LRP3: variants seen among roughly 807,000 people sequenced by gnomAD.
LRP3 encodes the protein low-density lipoprotein receptor-related protein 3.
In LRP3, 49 loss-of-function variants were observed where a neutral mutation model predicts 58.5. That is an observed-to-expected ratio of 0.84 (90% confidence interval 0.67 to 1.06). The LOEUF is 1.06. LRP3 is among the 50% of genes least tolerant of loss of function. LRP3 has a pLI of 0.00. For synonymous variants in LRP3, 485 were observed against 492.2 expected, an observed-to-expected ratio of 0.99 and a Z score of 0.20; for missense variants, 1,019 against 1,134.2, an observed-to-expected ratio of 0.90 and a Z score of 1.46.
chr19:33,196,074 T>A (rs1218908312), intron 1 of LRP3, among the ~76,000 whole-genome samples: 1 of 151,308 alleles, frequency 6.6e-6, no homozygotes, highest in Non-Finnish European at 1.5e-5. Context: ...CCCACGGAGG[T>A]GGGTGCTTGA....
Position 33,204,428 on chromosome 19 carries a change from T to G in LRP3, c.261-210T>G. ...GGATGTCGCAATTCTTCATGGAGCCTCCCGTGCACACCTGGATGGGGACAG... is the reference window on the plus strand; with the variant it reads ...GGATGTCGCAATTCTTCATGGAGCCGCCCGTGCACACCTGGATGGGGACAG... On this transcript the variant is annotated intron_variant, in intron 3 of 6. Coordinates refer to ENST00000253193, the MANE Select transcript of LRP3 (RefSeq NM_002333.4). 5.0e-6 allele frequency: 3 copies of G among 594,422 alleles called. No individual in the cohort carries two copies. The South Asian group carries it at 6.2e-5, about 12-fold the overall frequency. The allele number at this position is 594,422 out of a possible 1,614,324, so 36.8% of individuals were successfully genotyped here. A position where few individuals can be genotyped will look rare whatever the true frequency, so the allele number is the denominator to read the frequency against.
At chr19:33,195,362 C>T (rs183120068) in intron 1 of LRP3, among the ~76,000 whole-genome samples, 230 of 152,266 alleles carry the variant, frequency 1.5e-3, no homozygotes, top group African/African-American at 5.3e-3. Flanking sequence ...TGTCTCTCAG[C>T]CCCCAGGCAG....
chr19:33,205,182 C>T (rs1460797313), intron 4 of LRP3, 64 bp from the exon 5 acceptor site: 4 of 1,535,868 alleles, frequency 2.6e-6, no homozygotes, highest in Admixed American at 1.9e-5. Flanking sequence ...TGGCCCCAGG[C>T]CCCCTGGCCG....
At chr19:33,199,474 G>GAA (rs34874673) in intron 2 of LRP3, among the ~76,000 whole-genome samples, 3 of 129,866 alleles carry the variant, frequency 2.3e-5, no homozygotes, top group Non-Finnish European at 4.8e-5. Context: ...TCTTGTCTCA[G>GAA]AAAAAAAAAA....
Position 33,207,427 on chromosome 19 carries a change from C to T in LRP3, c.2165C>T (p.Ser722Leu), listed in dbSNP as rs1444211540. Residue 722 changes from serine to leucine, a missense_variant, in exon 7 of 7, where the codon TCA (serine) becomes TTA (leucine). Coordinates refer to ENST00000253193, the MANE Select transcript of LRP3 (RefSeq NM_002333.4). ...GCAGATGCACCTCGGGAGCCCTGCT[C>T]AGCCCAGGACCCGCACCCCCAGGTC... ...APADAPREPCSAQDPHPQVST... is the reference protein window; with the variant it reads ...APADAPREPCLAQDPHPQVST... 1.3e-6 allele frequency: 2 copies of T among 1,594,296 alleles called. No individual in the cohort carries two copies. The highest frequency in any genetic ancestry group is 1.7e-4 in the Middle Eastern group (1 of 6,024).
At position 33,207,607 on chromosome 19, in the gene LRP3, C is replaced by T. The variant is rs201423999; in HGVS notation, c.*32C>T. The T allele has an allele frequency of 2.1e-4, 313 of 1,461,698 alleles. No homozygotes were observed. Among genetic ancestry groups the T allele is most frequent in the Non-Finnish European group, 2.8e-4 (291 of 1,056,932 alleles). 90.5% of individuals were successfully genotyped at this position (1,461,698 alleles called of 1,614,324 possible). ...GGCTCGCTGGTGACCGCCACAGCCC[C>T]GCTTTGTAACCAGGGAATACACAGT... On this transcript the variant is annotated 3_prime_UTR_variant, in exon 7 of 7. Coordinates refer to ENST00000253193, the MANE Select transcript of LRP3 (RefSeq NM_002333.4).
At position 33,207,030 on chromosome 19, in the gene LRP3, A is replaced by G; in HGVS notation, c.1768A>G (p.Met590Val). The G allele has an allele frequency of 6.7e-7, 1 of 1,486,834 alleles. No homozygotes were observed. The allele number at this position is 1,486,834 out of a possible 1,614,324, so 92.1% of individuals were successfully genotyped here. A position where few individuals can be genotyped will look rare whatever the true frequency, so the allele number is the denominator to read the frequency against. ...TCTTCGCACAGCCATGCGGAGACAG[A>G]TGCGTCGGCACGCCTCCCGCCGGGG... ...QNLRTAMRRQMRRHASRRGPS... is the reference protein window; with the variant it reads ...QNLRTAMRRQVRRHASRRGPS... The change falls in exon 7 of 7, where the codon ATG becomes GTG. Residue 590 changes from methionine to valine, a missense_variant. Coordinates refer to ENST00000253193, the MANE Select transcript of LRP3 (RefSeq NM_002333.4).
intron 6 of LRP3, 26 bp from the exon 7 acceptor site, chr19:33,206,962 C>G (rs531626771): frequency 4.2e-6 from 6 of 1,433,158 alleles, no homozygotes; most frequent in African/African-American, 1.5e-5. Flanking sequence ...CGCATCCCCC[C>G]GCCCCTACCC....
At position 33,207,567 on chromosome 19, in the gene LRP3, G is replaced by T; in HGVS notation, c.2305G>T (p.Val769Phe). 6.2e-7 allele frequency: 1 copy of T among 1,602,774 alleles called. No individual in the cohort carries two copies. Among genetic ancestry groups the T allele is most frequent in the Non-Finnish European group, 8.5e-7 (1 of 1,178,936 alleles). Reference sequence around the variant, plus strand: ...GGCCAGCGATGATGAGGCCCTGTTGGTCTGTTGACCGCTGGGCTCGCTGGT... The same window carrying T: ...GGCCAGCGATGATGAGGCCCTGTTGTTCTGTTGACCGCTGGGCTCGCTGGT... ...LEASDDEALL[V>F]C Residue 769 changes from valine (V) to phenylalanine (F), a missense_variant, in exon 7 of 7, where the codon GTC becomes TTC. Physicochemically the swap from Val to Phe is conservative, Grantham distance 50. Transcript: ENST00000253193.
chr19:33,199,455 A>C (rs1175342737), intron 2 of LRP3, among the ~76,000 whole-genome samples: 1 of 149,100 alleles, frequency 6.7e-6, no homozygotes, highest in Non-Finnish European at 1.5e-5. Context: ...CCTGGGAGAC[A>C]GAGCAAGATC....
chr19:33,198,263 T>C (rs1974305923), intron 2 of LRP3, among the ~76,000 whole-genome samples: 1 of 152,166 alleles, frequency 6.6e-6, no homozygotes, highest in Non-Finnish European at 1.5e-5. Context: ...ACTGTCCAGG[T>C]CCTTGCGTTT....
chr19:33,200,756 G>C (rs1974333546), intron 2 of LRP3, among the ~76,000 whole-genome samples: 1 of 152,232 alleles, frequency 6.6e-6, no homozygotes, highest in Non-Finnish European at 1.5e-5. Flanking sequence ...TTCTGGGGCA[G>C]GATCAGAGGC....
chr19:33,205,444 C>T lies in LRP3; in HGVS notation c.674C>T (p.Thr225Met), dbSNP rs201590022. The part of the protein sequence containing the change: ...GTFPCSGARS[T>M]RCLPVERRCD... ...TTCCCATGCAGCGGGGCGCGCTCCA[C>T]GCGCTGCCTGCCTGTGGAGCGGCGC... The change falls in exon 5 of 7, where the codon ACG (threonine) becomes ATG (methionine). Residue 225 changes from threonine to methionine, a missense_variant. By Grantham distance (81) the Thr-to-Met change is moderately conservative. Around this residue, in one of 2 missense-constraint regions of LRP3, gnomAD observed 592 missense variants for 725.5 expected, o/e 0.82. Coordinates refer to ENST00000253193, the MANE Select transcript of LRP3 (RefSeq NM_002333.4). 7.7e-3 allele frequency: 12,229 copies of T among 1,587,806 alleles called. 106 individuals carry two copies. The highest frequency in any genetic ancestry group is 7.8e-3 in the Non-Finnish European group (9,066 of 1,168,706).
chr19:33,201,800 G>T (rs1330630251), intron 2 of LRP3, among the ~76,000 whole-genome samples: 2 of 152,156 alleles, frequency 1.3e-5, no homozygotes, highest in Non-Finnish European at 2.9e-5. Flanking sequence ...CAGCCGCCTG[G>T]TCCTGGGAGG....
Position 33,207,245 on chromosome 19 carries a change from G to A in LRP3, c.1983G>A (p.Arg661=). ...CGCTCATGGACACAGGCAGCACCAG[G>A]GCGGCCGGAGACAGGCCCCCCAGTG... ...PAPLMDTGST[R]AAGDRPPSAP... The change falls in exon 7 of 7, where the codon AGG becomes AGA. Residue 661 remains arginine, a synonymous_variant. Transcript: ENST00000253193. 1 of 1,556,366 alleles carries A rather than the reference G, an allele frequency of 6.4e-7. No homozygotes were observed. The highest frequency in any genetic ancestry group is 8.6e-7 in the Non-Finnish European group (1 of 1,158,520).
rs767245127 is a variant in LRP3 at position 33,204,839 on chromosome 19, G to C, written c.462G>C (p.Leu154=). The part of the protein sequence containing the change: ...SSSGQAQGFR[L]SYIRGKLGQA... ...CCGGCCAGGCCCAGGGCTTCCGTCT[G>C]TCTTACATCCGAGGTGATGGAGGCT... The change falls in exon 4 of 7, where the codon CTG becomes CTC. Residue 154 remains leucine (L), a synonymous_variant. Coordinates refer to ENST00000253193, the MANE Select transcript of LRP3 (RefSeq NM_002333.4). 1 of 1,613,268 alleles carries C rather than the reference G, an allele frequency of 6.2e-7. No homozygotes were observed. Among genetic ancestry groups the C allele is most frequent in the African/African-American group, 1.3e-5 (1 of 75,060 alleles).
At position 33,207,391 on chromosome 19, in the gene LRP3, G is replaced by A. The variant is rs201460485; in HGVS notation, c.2129G>A (p.Gly710Asp). The A allele has an allele frequency of 2.2e-4, 350 of 1,585,836 alleles. No individual in the cohort carries two copies. The highest frequency in any genetic ancestry group is 2.1e-4 in the Non-Finnish European group (246 of 1,171,734). Residue 710 changes from glycine (G) to aspartate (D), a missense_variant, in exon 7 of 7, where the codon GGC becomes GAC. Gly to Asp is a moderately conservative substitution (Grantham distance 94). Around this residue, in one of 2 missense-constraint regions of LRP3, gnomAD observed 427 missense variants for 408.6 expected, o/e 1.04. Coordinates refer to ENST00000253193, the MANE Select transcript of LRP3 (RefSeq NM_002333.4). ...GTCTGCAGGGAGCCACTGGTAGACG[G>A]CCCAGCTCCTGCAGATGCACCTCGG... The part of the protein sequence containing the change: ...RKVCREPLVD[G>D]PAPADAPREP...
rs562721344 is a variant in LRP3, at chr19:33,207,514, C to A, written c.2252C>A (p.Pro751His). 583 of 1,604,674 alleles carry A rather than the reference C, an allele frequency of 3.6e-4. No homozygotes were observed. The highest frequency in any genetic ancestry group is 4.8e-4 in the Non-Finnish European group (561 of 1,178,836). Reference sequence around the variant, plus strand: ...GAGCCACTGGGGGTCTGCAGGAACCCCCCGCCCCCCTGCTCCCCAATGCTG... The same window carrying A: ...GAGCCACTGGGGGTCTGCAGGAACCACCCGCCCCCCTGCTCCCCAATGCTG... ...SPEPLGVCRN[P>H]PPPCSPMLEA... The change falls in exon 7 of 7, where the codon CCC (proline) becomes CAC (histidine). Residue 751 changes from proline (P) to histidine (H), a missense_variant. Pro to His is a moderately conservative substitution (Grantham distance 77). Transcript: ENST00000253193.
Position 33,207,916 on chromosome 19 carries a change from G to A in LRP3, c.*341G>A, listed in dbSNP as rs1568385451. On this transcript the variant is annotated 3_prime_UTR_variant, in exon 7 of 7. Transcript: ENST00000253193. ...CATCTGCCCTGCAGTGGCAACAGCT[G>A]CCCCTAGAGCTGGGAGTTGTCATGA... is the stretch of plus-strand genomic sequence containing the variant. 1 of 348,984 alleles carries A rather than the reference G, an allele frequency of 2.9e-6. No individual in the cohort carries two copies. The allele number at this position is 348,984 out of a possible 1,614,324, so 21.6% of individuals were successfully genotyped here.
Sources: allele counts gnomAD v4.1 joint callset (sites outside exome capture counted in the v4.1 genomes callset), GRCh38; gene constraint gnomAD v4.1.1; regional missense constraint gnomAD v4.1.1; transcripts MANE v1.5; gene names NCBI Gene and HGNC (gene_info 2026-07-23, HGNC 2026-07-21).